The following PRDM16 variants were observed in gnomAD, a reference collection of about 807,000 sequenced individuals.
PRDM16 encodes histone-lysine N-methyltransferase PRDM16.
A neutral mutation model predicts 110.6 loss-of-function variants in PRDM16; 23 were observed. The ratio of observed to expected loss-of-function variants is 0.21; its 90% confidence interval spans 0.15 to 0.29. The LOEUF is 0.29. Among genes scored for constraint, PRDM16 ranks in the 10% least tolerant of loss-of-function variants. The pLI is 1.00. For missense variants in PRDM16, 1,615 were observed against 1,794.3 expected (o/e 0.90, Z 1.81); for synonymous variants, 799 against 781.8 (o/e 1.02, Z -0.37).
At chr1:3,407,787 C>T (rs1223478651) in intron 8 of PRDM16, among the ~76,000 whole-genome samples, 1 of 152,254 alleles carries the variant, frequency 6.6e-6, no homozygotes, top group African/African-American at 2.4e-5. Context: ...GGCTGCTCCC[C>T]ATCCCTCGTG....
At chr1:3,233,293 A>G (rs1639459365) in intron 2 of PRDM16, among the ~76,000 whole-genome samples, 1 of 152,174 alleles carries the variant, frequency 6.6e-6, no homozygotes, top group Non-Finnish European at 1.5e-5. Flanking sequence ...GCAGGGTGGA[A>G]AATGGCCAGC....
At chr1:3,074,088 G>A (rs1339161650) in intron 1 of PRDM16, among the ~76,000 whole-genome samples, 1 of 152,190 alleles carries the variant, frequency 6.6e-6, no homozygotes, top group Non-Finnish European at 1.5e-5. Flanking sequence ...GGCTTTCCAG[G>A]GTAGACCCGC....
chr1:3,130,863 A>G (rs1009999758), intron 1 of PRDM16, among the ~76,000 whole-genome samples: 5 of 150,668 alleles, frequency 3.3e-5, no homozygotes, highest in African/African-American at 1.2e-4. Context: ...ACAGCGTCAG[A>G]CCCACCAGCC....
chr1:3,412,274 A>T lies in PRDM16; in HGVS notation c.2077A>T (p.Ile693Phe). The change falls in exon 9 of 17, where the codon ATC (isoleucine) becomes TTC (phenylalanine). Residue 693 changes from isoleucine (I) to phenylalanine (F), a missense_variant. Coordinates refer to ENST00000270722, the MANE Select transcript of PRDM16 (RefSeq NM_022114.4). ...LTATGAAGDS[I>F]KAIASIAEKY... ...TGCAACGGGCGCCGCCGGGGACTCC[A>T]TCAAGGCCATCGCATCCATTGCCGA... is the stretch of plus-strand genomic sequence containing the variant. 1 of 1,613,512 alleles carries T rather than the reference A, an allele frequency of 6.2e-7. No homozygotes were observed. Among genetic ancestry groups the T allele is most frequent in the Non-Finnish European group, 8.5e-7 (1 of 1,180,002 alleles).
rs1638616015 is a variant in PRDM16, at chr1:3,201,165, C to T, written c.387+14691C>T. Among the ~76,000 whole-genome samples, 1 of 151,970 alleles carries T rather than the reference C, an allele frequency of 6.6e-6. No individual in the cohort carries two copies. The highest frequency in any genetic ancestry group is 2.1e-4 in the South Asian group (1 of 4,818). On this transcript the variant is annotated intron_variant, in intron 2 of 16. Transcript: ENST00000270722. This position sits in a 1 kb window ranked among gnomAD's most constrained non-coding sequence, Gnocchi z 4.1. Reference sequence around the variant, plus strand: ...CCACGCTGCCTTCTTTTGAGGAGGACAGGGATGGAAAAAGGGGTCTGGGCT... The same window carrying T: ...CCACGCTGCCTTCTTTTGAGGAGGATAGGGATGGAAAAAGGGGTCTGGGCT...
chr1:3,116,048 G>A (rs1030886432), intron 1 of PRDM16, among the ~76,000 whole-genome samples: 3 of 152,168 alleles, frequency 2.0e-5, no homozygotes, highest in Admixed American at 2.0e-4. Flanking sequence ...GGTGCTAAAC[G>A]CAGGCAGGTG....
At chr1:3,340,113 G>C (rs1642242190) in intron 3 of PRDM16, among the ~76,000 whole-genome samples, 1 of 152,206 alleles carries the variant, frequency 6.6e-6, no homozygotes, top group Non-Finnish European at 1.5e-5. Flanking sequence ...AGCTTCATGG[G>C]TAAAGTGTGA....
chr1:3,157,429 A>AAAAC lies in PRDM16; in HGVS notation c.38-28693_38-28692insCAAA, dbSNP rs1643867732. Among the ~76,000 whole-genome samples the AAAAC allele has an allele frequency of 6.7e-6, 1 of 149,826 alleles. No individual in the cohort carries two copies. ...GGCCTTTTGCGATCCCATTAAAAAAAAAAAAAAAAAAAACACCTTTGTGGG... is the reference window on the plus strand; with the variant it reads ...GGCCTTTTGCGATCCCATTAAAAAAAAAACAAAAAAAAAAAAACACCTTTGTGGG... On this transcript the variant is annotated intron_variant, in intron 1 of 16. Coordinates refer to ENST00000270722, the MANE Select transcript of PRDM16 (RefSeq NM_022114.4). This position sits in a 1 kb window ranked among gnomAD's most constrained non-coding sequence, Gnocchi z 4.8.
intron 3 of PRDM16, among the ~76,000 whole-genome samples, chr1:3,356,686 A>T (rs1013997935): frequency 2.0e-5 from 3 of 152,196 alleles, no homozygotes; most frequent in Non-Finnish European, 4.4e-5. Context: ...CTGTCTCTAA[A>T]CCCACTTTAC....
At chr1:3,414,007 C>T (rs894707075) in intron 9 of PRDM16, among the ~76,000 whole-genome samples, 4 of 152,310 alleles carry the variant, frequency 2.6e-5, no homozygotes, top group Admixed American at 1.3e-4. Flanking sequence ...TGGCCACTCA[C>T]GTTCATCAGC....
chr1:3,416,390 G>T (rs962919023), intron 10 of PRDM16, among the ~76,000 whole-genome samples: 1 of 152,170 alleles, frequency 6.6e-6, no homozygotes, highest in African/African-American at 2.4e-5. Flanking sequence ...CCAGGGCTAG[G>T]GTCTTGCTGT....
intron 3 of PRDM16, among the ~76,000 whole-genome samples, chr1:3,363,039 C>A (rs1403251407): frequency 3.9e-5 from 6 of 152,206 alleles, no homozygotes; most frequent in Non-Finnish European, 8.8e-5. Context: ...AGAGAAGGAC[C>A]CTGGCATGTG....
intron 2 of PRDM16, 114 bp downstream of exon 2, chr1:3,186,588 G>A (rs1644271463): frequency 1.5e-6 from 1 of 648,428 alleles, no homozygotes; most frequent in South Asian, 2.2e-5. Flanking sequence ...GCCAGAGAGA[G>A]CGTTCAAATG....
chr1:3,141,049 AAGGTGGATCCTTGCTCCCTTGGCTCC>A (rs1215213349), intron 1 of PRDM16, among the ~76,000 whole-genome samples: 3 of 152,190 alleles, frequency 2.0e-5, no homozygotes, highest in Non-Finnish European at 4.4e-5. Context: ...GGGCACAGGC[AAGGTGGATCCTTGCTCCCTTGGCTCC>A]CAGAACTCTG....
intron 3 of PRDM16, among the ~76,000 whole-genome samples, chr1:3,321,757 GTGTT>G (rs367580107): frequency 2.9e-3 from 432 of 150,834 alleles, no homozygotes; most frequent in African/African-American, 0.01. Flanking sequence ...TGCACAATGT[GTGTT>G]TGTGTATGTG....
intron 1 of PRDM16, among the ~76,000 whole-genome samples, chr1:3,096,827 A>G (rs570521151): frequency 2.0e-5 from 3 of 152,238 alleles, no homozygotes; most frequent in Non-Finnish European, 4.4e-5. Context: ...TCCTTGTGCC[A>G]AGGACGGGAG....
chr1:3,421,714 C>A (rs12564646), intron 12 of PRDM16, among the ~76,000 whole-genome samples: 4 of 152,246 alleles, frequency 2.6e-5, no homozygotes, highest in African/African-American at 9.6e-5. Context: ...TATGAACAAG[C>A]TTCTTTTCCA....
At chr1:3,114,367 C>T (rs2100647904) in intron 1 of PRDM16, among the ~76,000 whole-genome samples, 1 of 145,710 alleles carries the variant, frequency 6.9e-6, no homozygotes, top group African/African-American at 2.6e-5. Flanking sequence ...CACACACGCA[C>T]ACACGCAGGT....
chr1:3,328,061 G>A (rs1224118790), intron 3 of PRDM16, among the ~76,000 whole-genome samples: 1 of 152,228 alleles, frequency 6.6e-6, no homozygotes, highest in Non-Finnish European at 1.5e-5. Context: ...TGGGGGACTC[G>A]GGCTGGGGCC....
Sources: gnomAD v4.1 joint callset for allele counts (sites outside exome capture counted in the v4.1 genomes callset) on GRCh38, gnomAD v4.1.1 for gene constraint, Gnocchi (gnomAD v3.1) non-coding constraint, MANE v1.5 for transcripts, NCBI Gene and HGNC (gene_info 2026-07-23, HGNC 2026-07-21) for gene names.